The following TAF2 variants were observed in gnomAD, a reference collection of about 807,000 sequenced individuals.
TAF2 encodes the protein TATA-box binding protein associated factor 2, also known as transcription initiation factor TFIID subunit 2.
In TAF2, 61 loss-of-function variants were observed where a neutral mutation model predicts 138.5. That is an observed-to-expected ratio of 0.44 (90% CI 0.36 to 0.54). The LOEUF (loss-of-function observed/expected upper bound fraction) is 0.54. Ranked by LOEUF, TAF2 falls within the 20% of genes least tolerant of loss-of-function variation. The pLI is 0.00. For missense variants in TAF2, 1,090 were observed against 1,427.9 expected (o/e 0.76, Z 3.81); for synonymous variants, 475 against 469.9 (o/e 1.01, Z -0.14).
At chr8:119,769,143 T>A (rs1212674568) in intron 18 of TAF2, among the ~76,000 whole-genome samples, 1 of 152,098 alleles carries the variant, frequency 6.6e-6, no homozygotes, top group East Asian at 1.9e-4. Flanking sequence ...CCCATCTGCT[T>A]TTACCACAGC....
chr8:119,784,667 A>T lies in TAF2; in HGVS notation c.1859+534T>A, dbSNP rs536536368. On this transcript the variant is annotated intron_variant, in intron 15 of 25. Coordinates refer to ENST00000378164, the MANE Select transcript of TAF2 (RefSeq NM_003184.4). The stretch of plus-strand genomic sequence containing the variant: ...TTTGAGCTGTATCATATTTAAAAAT[A>T]AAACACTGTCAATCAATAAATATTA... 5.6e-4 allele frequency among the ~76,000 whole-genome samples: 85 copies of T among 152,362 alleles called. 1 individual carries two copies. In the South Asian group the frequency reaches 0.017, roughly 31 times the overall value.
intron 17 of TAF2, 126 bp from the exon 18 acceptor site, chr8:119,778,255 C>T (rs1822395935): frequency 1.7e-6 from 1 of 601,338 alleles, no homozygotes; most frequent in Non-Finnish European, 3.0e-6. Context: ...GAGCCTAACA[C>T]CTCCACACCC....
intron 3 of TAF2, among the ~76,000 whole-genome samples, chr8:119,810,019 A>G (rs1435151493): frequency 6.7e-6 from 1 of 150,112 alleles, no homozygotes; most frequent in Non-Finnish European, 1.5e-5. Context: ...AAAAAAAAAC[A>G]GTATCTGCGA....
At chr8:119,742,721 G>A in intron 24 of TAF2, 65 bp from the exon 25 acceptor site, 1 of 1,582,248 alleles carries the variant, frequency 6.3e-7, no homozygotes, top group Admixed American at 1.8e-5. Flanking sequence ...AAAAAAAAAG[G>A]CTGACAGGTT....
rs569580454 is a variant in TAF2 at position 119,780,032 on chromosome 8, T to C, written c.2253+1021A>G. Reference sequence around the variant, plus strand: ...TCTCAACCTTGCTTCATCCTCAACATAGTATCCGTTCTTATATCTTTGACT... The same window carrying C: ...TCTCAACCTTGCTTCATCCTCAACACAGTATCCGTTCTTATATCTTTGACT... On this transcript the variant is annotated intron_variant, in intron 17 of 25. Coordinates refer to ENST00000378164, the MANE Select transcript of TAF2 (RefSeq NM_003184.4). 9.1e-4 allele frequency among the ~76,000 whole-genome samples: 138 copies of C among 152,302 alleles called. 1 individual carries two copies. The highest frequency in any genetic ancestry group is 3.1e-3 in the African/African-American group (129 of 41,566).
chr8:119,787,578 G>A (rs1485266763), intron 14 of TAF2, among the ~76,000 whole-genome samples: 1 of 152,204 alleles, frequency 6.6e-6, no homozygotes, highest in Admixed American at 6.5e-5. Context: ...TCATTAAAAA[G>A]TTAGGAAACA....
At chr8:119,772,181 C>T (rs1377293634) in intron 18 of TAF2, among the ~76,000 whole-genome samples, 1 of 152,070 alleles carries the variant, frequency 6.6e-6, no homozygotes, top group Admixed American at 6.5e-5. Context: ...AAAAGCAATG[C>T]TAAGAGTAAA....
At chr8:119,825,558 A>T (rs1333636398) in intron 2 of TAF2, among the ~76,000 whole-genome samples, 1 of 152,154 alleles carries the variant, frequency 6.6e-6, no homozygotes, top group Non-Finnish European at 1.5e-5. Context: ...CTGTGTCCCC[A>T]CCCAAATCTC....
intron 18 of TAF2, among the ~76,000 whole-genome samples, chr8:119,777,632 CA>C (rs1822346880): frequency 6.6e-6 from 1 of 152,090 alleles, no homozygotes; most frequent in African/African-American, 2.4e-5. Flanking sequence ...AATCAAGGAA[CA>C]AGTTAATCCC....
chr8:119,754,853 A>T (rs530339767), intron 22 of TAF2, among the ~76,000 whole-genome samples: 1 of 152,198 alleles, frequency 6.6e-6, no homozygotes, highest in Admixed American at 6.5e-5. Flanking sequence ...AAAGGTACAC[A>T]TTTATAAATC....
Position 119,781,183 on chromosome 8 carries a change from G to T in TAF2, c.2123C>A (p.Ser708Ter). Residue 708 changes from serine to a stop codon, truncating the protein, a stop_gained, in exon 17 of 26, where the codon TCA becomes TAA. Coordinates refer to ENST00000378164, the MANE Select transcript of TAF2 (RefSeq NM_003184.4). LOFTEE classifies it high-confidence loss of function. Reference protein sequence around the residue: ...ACFCLAKIANSMVSTWTGPPA... With the variant: ...ACFCLAKIAN ...TGGTCCTGTCCATGTGCTCACCATTGAATTTGCAATCTGCAAATAATTAGA... is the reference window on the plus strand; with the variant it reads ...TGGTCCTGTCCATGTGCTCACCATTTAATTTGCAATCTGCAAATAATTAGA... 1 of 1,614,012 alleles carries T rather than the reference G, an allele frequency of 6.2e-7. No individual in the cohort carries two copies. The highest frequency in any genetic ancestry group is 8.5e-7 in the Non-Finnish European group (1 of 1,179,982).
chr8:119,782,986 A>G (rs1324483791), intron 16 of TAF2, among the ~76,000 whole-genome samples: 3 of 138,398 alleles, frequency 2.2e-5, no homozygotes, highest in African/African-American at 5.6e-5. Flanking sequence ...TTATTTAAAA[A>G]AACAAAATAC....
At chr8:119,828,640 A>G (rs758429330) in intron 2 of TAF2, among the ~76,000 whole-genome samples, 5 of 152,228 alleles carry the variant, frequency 3.3e-5, no homozygotes, top group Non-Finnish European at 7.3e-5. Context: ...AGCAGTATGT[A>G]TCAACTTCGG....
chr8:119,736,528 T>C (rs1355950043), intron 25 of TAF2, among the ~76,000 whole-genome samples: 6 of 152,216 alleles, frequency 3.9e-5, no homozygotes, highest in Admixed American at 3.3e-4. Context: ...TGGAGATTGC[T>C]AGTCAACAAC....
intron 2 of TAF2, among the ~76,000 whole-genome samples, chr8:119,826,127 G>A (rs942804137): frequency 6.6e-6 from 1 of 151,964 alleles, no homozygotes; most frequent in Non-Finnish European, 1.5e-5. Flanking sequence ...GGGGGACTAG[G>A]GGAGGGATAA....
intron 2 of TAF2, among the ~76,000 whole-genome samples, chr8:119,830,917 C>A (rs538440171): frequency 6.6e-6 from 1 of 152,172 alleles, no homozygotes; most frequent in South Asian, 2.1e-4. Flanking sequence ...ACCAGCCTGG[C>A]CAACATGGAG....
chr8:119,803,322 A>T (rs1319429621), intron 5 of TAF2, among the ~76,000 whole-genome samples: 3 of 152,212 alleles, frequency 2.0e-5, no homozygotes, highest in African/African-American at 7.2e-5. Flanking sequence ...TAAAGTTTTT[A>T]AAAAAGAAGG....
At position 119,746,813 on chromosome 8, in the gene TAF2, C is replaced by T; in HGVS notation, c.3000G>A (p.Glu1000=). ...TGGTAGGATTCAAGACAGCTTTTTT[C>T]TCCTTTAGATTAAGAACCAACCCAA... ...PELGLVLNLK[E]KKAVLNPTII... is the part of the protein sequence containing the mutation. Residue 1000 remains glutamate (E), a synonymous_variant, in exon 23 of 26, where the codon GAG becomes GAA. Coordinates refer to ENST00000378164, the MANE Select transcript of TAF2 (RefSeq NM_003184.4). 6.2e-7 allele frequency: 1 copy of T among 1,614,118 alleles called. No homozygotes were observed. Among genetic ancestry groups the T allele is most frequent in the Admixed American group, 1.7e-5 (1 of 60,010 alleles).
intron 2 of TAF2, among the ~76,000 whole-genome samples, chr8:119,820,103 G>C (rs1210190010): frequency 6.6e-6 from 1 of 152,154 alleles, no homozygotes; most frequent in East Asian, 1.9e-4. Flanking sequence ...GTTCTACCAT[G>C]TTAGCTGTAT....
Sources: gnomAD v4.1 joint callset for allele counts (sites outside exome capture counted in the v4.1 genomes callset) on GRCh38, gnomAD v4.1.1 for gene constraint, MANE v1.5 for transcripts, NCBI Gene and HGNC (gene_info 2026-07-23, HGNC 2026-07-21) for gene names.